Variants in CMIP observed in about 807,000 individuals in gnomAD.
CMIP encodes c-Maf inducing protein, also known as C-Maf-inducing protein.
CMIP carries 13 observed loss-of-function variants against 97.3 expected under a neutral mutation model. The observed-to-expected ratio is 0.13, with a 90% CI of 0.09 to 0.21. The LOEUF (loss-of-function observed/expected upper bound fraction) is 0.21, where lower values mean the gene tolerates loss of function less well. Ranked by LOEUF, CMIP falls within the 10% of genes least tolerant of loss-of-function variation. The pLI, the probability that CMIP is intolerant of heterozygous loss-of-function variation, is 1.00. For missense variants in CMIP, 847 were observed against 1,024.9 expected (o/e 0.83, Z 2.37); for synonymous variants, 538 against 436.3 (o/e 1.23, Z -2.91).
At chr16:81,479,739 A>G (rs1908145741) in intron 1 of CMIP, among the ~76,000 whole-genome samples, 1 of 152,150 alleles carries the variant, frequency 6.6e-6, no homozygotes, top group South Asian at 2.1e-4. Context: ...TCTAGTTCCA[A>G]AACATCGTCA....
chr16:81,611,265 C>G (rs528378341), intron 2 of CMIP: 71 of 152,350 alleles, frequency 4.7e-4, no homozygotes, highest in African/African-American at 1.6e-3. Context: ...ACCTCGAGGC[C>G]TTTTCATTTT....
intron 1 of CMIP, among the ~76,000 whole-genome samples, chr16:81,589,787 T>A (rs1034707290): frequency 2.0e-5 from 3 of 152,252 alleles, no homozygotes; most frequent in Admixed American, 6.5e-5. Flanking sequence ...CTTCTCTCTG[T>A]CCCTTCCTCC....
At chr16:81,576,209 C>T (rs181673593) in intron 1 of CMIP, among the ~76,000 whole-genome samples, 5 of 152,066 alleles carry the variant, frequency 3.3e-5, no homozygotes, top group African/African-American at 1.2e-4. Flanking sequence ...TTCGAGACTA[C>T]CCTGGCCAAC....
Position 81,674,806 on chromosome 16 carries a change from G to A in CMIP, c.1034+2736G>A, listed in dbSNP as rs147580965. On this transcript the variant is annotated intron_variant, in intron 9 of 20. Coordinates refer to ENST00000537098, the MANE Select transcript of CMIP (RefSeq NM_198390.3). ...TTACTTTGTTGGCCAGGCTGGTCTC[G>A]AACTCCTGACCTCAGGTGATCTGCC... Among the ~76,000 whole-genome samples the A allele has an allele frequency of 5.1e-3, 769 of 151,588 alleles. 6 individuals are homozygous for A. The highest frequency in any genetic ancestry group is 0.018 in the African/African-American group (726 of 41,326).
At chr16:81,691,241 C>G (rs1032180111) in intron 10 of CMIP, among the ~76,000 whole-genome samples, 1 of 152,222 alleles carries the variant, frequency 6.6e-6, no homozygotes, top group Non-Finnish European at 1.5e-5. Flanking sequence ...CTGGAGGCCT[C>G]TCTCCTGGCT....
At chr16:81,629,294 C>G (rs1462417786) in intron 3 of CMIP, among the ~76,000 whole-genome samples, 1 of 152,114 alleles carries the variant, frequency 6.6e-6, no homozygotes, top group African/African-American at 2.4e-5. Context: ...CCCGGTGTCA[C>G]ACTCAGGACT....
chr16:81,450,855 C>T (rs1003283603), intron 1 of CMIP, among the ~76,000 whole-genome samples: 9 of 152,212 alleles, frequency 5.9e-5, no homozygotes, highest in Non-Finnish European at 8.8e-5. Flanking sequence ...CCTTACTCGA[C>T]GTCCACACAG....
intron 1 of CMIP, among the ~76,000 whole-genome samples, chr16:81,482,188 C>T (rs981976021): frequency 2.6e-5 from 4 of 152,072 alleles, no homozygotes; most frequent in African/African-American, 7.2e-5. Flanking sequence ...CCTGCCGCCT[C>T]TTATAAGGAC....
At chr16:81,492,272 C>T (rs1255560427) in intron 1 of CMIP, among the ~76,000 whole-genome samples, 6 of 152,166 alleles carry the variant, frequency 3.9e-5, no homozygotes, top group East Asian at 1.9e-4. Context: ...ATGTCCTCTC[C>T]GGGTGTCATT....
At chr16:81,555,838 G>C (rs2090752012) in intron 1 of CMIP, among the ~76,000 whole-genome samples, 1 of 152,174 alleles carries the variant, frequency 6.6e-6, no homozygotes, top group Non-Finnish European at 1.5e-5. Flanking sequence ...ACTGATTCCT[G>C]CCAAGTGATT....
Position 81,445,141 on chromosome 16 carries a change from G to T in CMIP, c.-101G>T. 1.7e-6 allele frequency: 1 copy of T among 599,134 alleles called. No homozygotes were observed. The highest frequency in any genetic ancestry group is 2.5e-6 in the Non-Finnish European group (1 of 395,446). 37.1% of individuals were successfully genotyped at this position (599,134 alleles called of 1,614,324 possible). A position where few individuals can be genotyped will look rare whatever the true frequency, so the allele number is the denominator to read the frequency against. ...GCCCCACACCCCCCCACCTTCCCGG[G>T]GGGTGGGGGGGTGCGGGCCGCCGGA... On this transcript the variant is annotated 5_prime_UTR_variant, in exon 1 of 21. Coordinates refer to ENST00000537098, the MANE Select transcript of CMIP (RefSeq NM_198390.3).
At chr16:81,651,394 C>T (rs759987377) in intron 3 of CMIP, 58 of 979,714 alleles carry the variant, frequency 5.9e-5, no homozygotes, top group Non-Finnish European at 6.3e-5. Context: ...CTGTCCCAAC[C>T]GCTCTCTGGC....
intron 1 of CMIP, among the ~76,000 whole-genome samples, chr16:81,605,282 G>A (rs2091723719): frequency 1.3e-5 from 2 of 152,232 alleles, no homozygotes. Flanking sequence ...ACACATGGCA[G>A]CCGCCGGGAT....
chr16:81,496,717 CG>C, intron 1 of CMIP, among the ~76,000 whole-genome samples: 1 of 152,334 alleles, frequency 6.6e-6, no homozygotes, highest in African/African-American at 2.4e-5. Context: ...CCAGTAGAGG[CG>C]GGGGTCAGCC....
intron 10 of CMIP, among the ~76,000 whole-genome samples, chr16:81,685,371 T>G (rs1905271366): frequency 6.6e-6 from 1 of 152,200 alleles, no homozygotes. Context: ...CGCTCACGGT[T>G]CACAGAACAG....
intron 11 of CMIP, among the ~76,000 whole-genome samples, chr16:81,692,179 G>C (rs1226952301): frequency 6.6e-6 from 1 of 152,202 alleles, no homozygotes; most frequent in Non-Finnish European, 1.5e-5. Context: ...GCACCAGATG[G>C]GAACCGTAAT....
chr16:81,495,898 CTGTAAAATG>C (rs2089481060), intron 1 of CMIP, among the ~76,000 whole-genome samples: 1 of 152,220 alleles, frequency 6.6e-6, no homozygotes, highest in Admixed American at 6.5e-5. Flanking sequence ...GCCTCCTTAT[CTGTAAAATG>C]CAGTTTGCGA....
chr16:81,540,643 AGTGTGTGT>A (rs67286788), intron 1 of CMIP, among the ~76,000 whole-genome samples: 66,912 of 141,736 alleles, frequency 0.47, 16,211 homozygotes, highest in Non-Finnish European at 0.55. Context: ...TCTTGTTTTG[AGTGTGTGT>A]GTGTGTGTGT....
chr16:81,646,875 G>T (rs535706733), intron 3 of CMIP, among the ~76,000 whole-genome samples: 1 of 152,208 alleles, frequency 6.6e-6, no homozygotes, highest in Non-Finnish European at 1.5e-5. Context: ...CCATTCATCA[G>T]TTGATGAATT....
Sources: gnomAD v4.1 joint callset for allele counts (sites outside exome capture counted in the v4.1 genomes callset) on GRCh38, gnomAD v4.1.1 for gene constraint, MANE v1.5 for transcripts, NCBI Gene and HGNC (gene_info 2026-07-23, HGNC 2026-07-21) for gene names.